CAMSAP2: variants seen among roughly 807,000 people sequenced by gnomAD.
The protein encoded by CAMSAP2 is calmodulin regulated spectrin associated protein family member 2.
CAMSAP2 carries 26 observed loss-of-function variants against 146.1 expected under a neutral mutation model. The ratio of observed to expected loss-of-function variants is 0.18; its 90% CI spans 0.13 to 0.25. The LOEUF (loss-of-function observed/expected upper bound fraction) is 0.25, where lower values mean the gene tolerates loss of function less well. CAMSAP2 is among the 10% of genes least tolerant of loss of function. CAMSAP2 has a pLI of 1.00. For synonymous variants in CAMSAP2, 499 were observed against 596.6 expected (o/e 0.84, Z 2.38); for missense variants, 1,381 against 1,759.3 (o/e 0.78, Z 3.85).
At chr1:200,790,417 T>C (rs1388952531) in intron 2 of CAMSAP2, among the ~76,000 whole-genome samples, 1 of 152,236 alleles carries the variant, frequency 6.6e-6, no homozygotes, top group Non-Finnish European at 1.5e-5. Context: ...CAGAGCCTGG[T>C]TGAGCTCTTG....
rs1372295149 is a variant in CAMSAP2, at chr1:200,858,191, A to T, written c.*132A>T. 9 of 758,112 alleles carry T rather than the reference A, an allele frequency of 1.2e-5. No homozygotes were observed. Among genetic ancestry groups the T allele is most frequent in the South Asian group, 1.1e-4 (5 of 44,314 alleles). 47.0% of individuals were successfully genotyped at this position (758,112 alleles called of 1,614,324 possible). A position where few individuals can be genotyped will look rare whatever the true frequency, so the allele number is the denominator to read the frequency against. On this transcript the variant is annotated 3_prime_UTR_variant, in exon 17 of 17. Transcript: ENST00000358823. ...CTGGACATTAAGCTCTGTTGTCATG[A>T]ACAACTGGAATGTAAACCACAGTAT...
In CAMSAP2 at chr1:200,848,916, G is replaced by C; in HGVS notation, c.2147G>C (p.Gly716Ala). The stretch of plus-strand genomic sequence containing the variant: ...AGTTCTCAAAAAACTACACCAGAAG[G>C]CTCTGAACTTAATATTCCTCATGTG... Reference protein sequence around the residue: ...GSSSQKTTPEGSELNIPHVVA... With the variant: ...GSSSQKTTPEASELNIPHVVA... Residue 716 changes from glycine (G) to alanine (A), a missense_variant, in exon 11 of 17, where the codon GGC (glycine) becomes GCC (alanine). Physicochemically the swap from Gly to Ala is moderately conservative, Grantham distance 60. This residue lies in a region of CAMSAP2 where 447 missense variants were observed against 462.2 expected (regional missense o/e 0.97). Transcript: ENST00000358823. The C allele has an allele frequency of 1.2e-6, 2 of 1,614,154 alleles. No individual in the cohort carries two copies. The highest frequency in any genetic ancestry group is 1.7e-6 in the Non-Finnish European group (2 of 1,180,014).
intron 3 of CAMSAP2, 80 bp downstream of exon 3, chr1:200,807,617 TA>T: frequency 9.4e-7 from 1 of 1,065,394 alleles, no homozygotes; most frequent in Non-Finnish European, 1.3e-6. Context: ...GCCACTTCAT[TA>T]CTCTTTTTGT....
intron 6 of CAMSAP2, among the ~76,000 whole-genome samples, chr1:200,833,268 T>C (rs1667091411): frequency 2.0e-5 from 3 of 151,836 alleles, no homozygotes; most frequent in African/African-American, 7.3e-5. Flanking sequence ...CTTAAAGTCA[T>C]GTACAAAATT....
rs115637279 is a variant in CAMSAP2, at chr1:200,748,065, C to T, written c.139+8099C>T. Among the ~76,000 whole-genome samples, 1,131 of 151,606 alleles carry T rather than the reference C, an allele frequency of 7.5e-3. 12 individuals carry two copies. The highest frequency in any genetic ancestry group is 0.045 in the Middle Eastern group (13 of 286). ...ATGTACCACACCATTCAGAGCTCTT[C>T]TCTAATCACTGAAAGTTCTACACTC... On this transcript the variant is annotated intron_variant, in intron 1 of 16. Transcript: ENST00000358823.
intron 4 of CAMSAP2, among the ~76,000 whole-genome samples, chr1:200,828,378 A>C (rs545216487): frequency 6.6e-6 from 1 of 152,308 alleles, no homozygotes; most frequent in South Asian, 2.1e-4. Context: ...AGACAGGAGA[A>C]GATAGTGGTC....
At chr1:200,815,680 G>A (rs1206288712) in intron 4 of CAMSAP2, 36 bp downstream of exon 4, 4 of 1,082,744 alleles carry the variant, frequency 3.7e-6, no homozygotes, top group African/African-American at 3.2e-5. Flanking sequence ...GCCTTTATGA[G>A]ACTGTATATA....
intron 3 of CAMSAP2, among the ~76,000 whole-genome samples, chr1:200,811,123 A>G (rs192502888): frequency 6.6e-6 from 1 of 152,326 alleles, no homozygotes; most frequent in African/African-American, 2.4e-5. Flanking sequence ...TTTAAACTCA[A>G]TCTTTACTTC....
At chr1:200,804,210 G>A (rs1368507000) in intron 2 of CAMSAP2, among the ~76,000 whole-genome samples, 1 of 152,080 alleles carries the variant, frequency 6.6e-6, no homozygotes, top group Non-Finnish European at 1.5e-5. Flanking sequence ...ACAAGCGTGA[G>A]CCACCGCGCC....
At chr1:200,839,566 T>C (rs950389651) in intron 6 of CAMSAP2, among the ~76,000 whole-genome samples, 1 of 152,160 alleles carries the variant, frequency 6.6e-6, no homozygotes, top group Non-Finnish European at 1.5e-5. Context: ...TGGATGGAAT[T>C]GGAGACCATT....
intron 1 of CAMSAP2, among the ~76,000 whole-genome samples, chr1:200,752,845 C>G (rs993417968): frequency 1.3e-5 from 2 of 152,044 alleles, no homozygotes; most frequent in African/African-American, 2.4e-5. Flanking sequence ...TCTCGATCTC[C>G]TGACCTTGTG....
intron 10 of CAMSAP2, 46 bp downstream of exon 10, chr1:200,847,755 T>C (rs772452247): frequency 5.9e-5 from 84 of 1,434,278 alleles, no homozygotes; most frequent in Non-Finnish European, 7.7e-5. Context: ...TATTAAGAAA[T>C]GCAAATTGCA....
rs141085660 is a variant in CAMSAP2, at chr1:200,742,635, C to T, written c.139+2669C>T. Among the ~76,000 whole-genome samples, 455 of 152,062 alleles carry T rather than the reference C, an allele frequency of 3.0e-3. 1 individual carries two copies. The highest frequency in any genetic ancestry group is 0.01 in the African/African-American group (428 of 41,474). On this transcript the variant is annotated intron_variant, in intron 1 of 16. Coordinates refer to ENST00000358823, the MANE Select transcript of CAMSAP2 (RefSeq NM_203459.4). Reference sequence around the variant, plus strand: ...TATTACCTAATTATATTTAGTTGTTCAAAAAATCAGCCCAGCTTTCAATAT... The same window carrying T: ...TATTACCTAATTATATTTAGTTGTTTAAAAAATCAGCCCAGCTTTCAATAT...
chr1:200,850,724 T>G (rs577262420), intron 11 of CAMSAP2, among the ~76,000 whole-genome samples: 1 of 152,338 alleles, frequency 6.6e-6, no homozygotes, highest in African/African-American at 2.4e-5. Flanking sequence ...TCCATTTATT[T>G]ACACATCTTC....
Position 200,854,838 on chromosome 1 carries a change from C to T in CAMSAP2, c.3845C>T (p.Ser1282Leu), listed in dbSNP as rs757345030. ...TCAGTCTCTAGCCTTTCTTTGGCAT[C>T]GCTGAACACGGGTGATAACGAGAGT... ...GPPVSSLSLA[S>L]LNTGDNESVH... Residue 1282 changes from serine to leucine, a missense_variant, in exon 14 of 17, where the codon TCG becomes TTG. By Grantham distance (145) the Ser-to-Leu change is moderately radical. This residue lies in a region of CAMSAP2 where 560 missense variants were observed against 715.9 expected (regional missense o/e 0.78). Transcript: ENST00000358823. 9.3e-6 allele frequency: 15 copies of T among 1,610,756 alleles called. No homozygotes were observed. In the Admixed American group the frequency reaches 1.7e-4, roughly 18 times the overall value.
Position 200,760,987 on chromosome 1 carries a change from C to T in CAMSAP2, c.288C>T (p.Pro96=), listed in dbSNP as rs201741483. The part of the protein sequence containing the change: ...SLILKSDAAK[P]LLGHDAVIQA... Reference sequence around the variant, plus strand: ...TTCTCAAGAGTGATGCTGCAAAACCCCTTTTGGGCCATGATGCTGTAATCC... The same window carrying T: ...TTCTCAAGAGTGATGCTGCAAAACCTCTTTTGGGCCATGATGCTGTAATCC... The change falls in exon 2 of 17, where the codon CCC becomes CCT. Residue 96 remains proline, a synonymous_variant. Coordinates refer to ENST00000358823, the MANE Select transcript of CAMSAP2 (RefSeq NM_203459.4). 8 of 1,614,104 alleles carry T rather than the reference C, an allele frequency of 5.0e-6. 1 individual carries two copies. In the South Asian group the frequency reaches 8.8e-5, roughly 18 times the overall value.
rs779432935 is a variant in CAMSAP2 at position 200,849,358 on chromosome 1, C to G, written c.2589C>G (p.Asn863Lys). The change falls in exon 11 of 17, where the codon AAC (asparagine) becomes AAG (lysine). Residue 863 changes from asparagine to lysine, a missense_variant. By Grantham distance (94) the Asn-to-Lys change is moderately conservative. Coordinates refer to ENST00000358823, the MANE Select transcript of CAMSAP2 (RefSeq NM_203459.4). The surrounding 1 kb of genome is among the most constrained non-coding windows in gnomAD (Gnocchi z 6.3). ...CTATTGATCCTGAGAAGCAGTGGAACCTGGCAAGCCCCTCAGAAGAAACTT... is the reference window on the plus strand; with the variant it reads ...CTATTGATCCTGAGAAGCAGTGGAAGCTGGCAAGCCCCTCAGAAGAAACTT... ...TTPIDPEKQW[N>K]LASPSEETLN... 1 of 1,613,882 alleles carries G rather than the reference C, an allele frequency of 6.2e-7. No individual in the cohort carries two copies. Among genetic ancestry groups the G allele is most frequent in the Non-Finnish European group, 8.5e-7 (1 of 1,180,012 alleles).
chr1:200,753,583 G>T (rs1396911684), intron 1 of CAMSAP2, among the ~76,000 whole-genome samples: 2 of 152,106 alleles, frequency 1.3e-5, no homozygotes, highest in Non-Finnish European at 1.5e-5. Flanking sequence ...GGAATACCTA[G>T]ACAGTAGGAA....
intron 4 of CAMSAP2, among the ~76,000 whole-genome samples, chr1:200,817,107 C>G (rs150648892): frequency 6.9e-6 from 1 of 144,764 alleles, no homozygotes; most frequent in African/African-American, 2.5e-5. Context: ...TGTATACACA[C>G]ACGTGTGTGT....
Sources: allele counts gnomAD v4.1 joint callset (sites outside exome capture counted in the v4.1 genomes callset), GRCh38; gene constraint gnomAD v4.1.1; regional missense constraint gnomAD v4.1.1; non-coding constraint Gnocchi (gnomAD v3.1); transcripts MANE v1.5; gene names NCBI Gene and HGNC (gene_info 2026-07-23, HGNC 2026-07-21).